Variants in OXSR1 observed in about 807,000 individuals in gnomAD.
OXSR1 encodes the protein oxidative stress responsive kinase 1.
OXSR1 carries 24 observed loss-of-function variants against 79.8 expected under a neutral mutation model. The observed-to-expected ratio is 0.30, with a 90% confidence interval of 0.22 to 0.42. OXSR1 has a LOEUF of 0.42. OXSR1 is among the 10% of genes least tolerant of loss of function. The pLI is 1.00. For missense variants in OXSR1, 430 were observed against 618.4 expected (o/e 0.70, Z 3.23); for synonymous variants, 226 against 209.2 (o/e 1.08, Z -0.69).
At position 38,190,804 on chromosome 3, in the gene OXSR1, A is replaced by T. The variant is rs754714205; in HGVS notation, c.257A>T (p.Asp86Val). ...VSYYTSFVVK[D>V]ELWLVMKLLS... The stretch of plus-strand genomic sequence containing the variant: ...TACTACACATCTTTTGTGGTAAAAG[A>T]TGAGCTGTGGCTTGTCATGAAGCTG... Residue 86 changes from aspartate (D) to valine (V), a missense_variant, in exon 3 of 18, where the codon GAT (aspartate) becomes GTT (valine). Physicochemically the swap from Asp to Val is radical, Grantham distance 152. Coordinates refer to ENST00000311806, the MANE Select transcript of OXSR1 (RefSeq NM_005109.3). 8 of 1,607,546 alleles carry T rather than the reference A, an allele frequency of 5.0e-6. No individual in the cohort carries two copies. Among genetic ancestry groups the T allele is most frequent in the South Asian group, 1.1e-5 (1 of 90,886 alleles).
chr3:38,205,432 G>C (rs1222796409), intron 4 of OXSR1, among the ~76,000 whole-genome samples: 2 of 152,248 alleles, frequency 1.3e-5, no homozygotes, highest in East Asian at 3.9e-4. Flanking sequence ...GTTTGCCTGG[G>C]TTTCATTTTT....
At position 38,165,814 on chromosome 3, in the gene OXSR1, C is replaced by G. The variant is rs1441838693; in HGVS notation, c.-63C>G. ...GGCGGCTGTTGGGGGTGGGGAGACG[C>G]GCGGCGAGGAGACGAGCGAGGTCAG... On this transcript the variant is annotated 5_prime_UTR_variant, in exon 1 of 18. Transcript: ENST00000311806. 20 of 1,416,724 alleles carry G rather than the reference C, an allele frequency of 1.4e-5. No homozygotes were observed. The highest frequency in any genetic ancestry group is 5.8e-5 in the Admixed American group (3 of 52,042). 87.8% of individuals were successfully genotyped at this position (1,416,724 alleles called of 1,614,324 possible). A position where few individuals can be genotyped will look rare whatever the true frequency, so the allele number is the denominator to read the frequency against.
chr3:38,203,514 A>T (rs9871064), intron 4 of OXSR1, among the ~76,000 whole-genome samples: 67,512 of 151,768 alleles, frequency 0.44, 15,242 homozygotes, highest in Middle Eastern at 0.64. Flanking sequence ...TGGTTAATTT[A>T]AAAAAAATTT....
At chr3:38,201,310 A>G (rs1464577245) in intron 4 of OXSR1, among the ~76,000 whole-genome samples, 2 of 151,882 alleles carry the variant, frequency 1.3e-5, no homozygotes, top group Non-Finnish European at 2.9e-5. Flanking sequence ...GCTCACGCCT[A>G]TAATCCCAGC....
At chr3:38,212,001 T>C (rs1702397993) in intron 4 of OXSR1, among the ~76,000 whole-genome samples, 1 of 152,196 alleles carries the variant, frequency 6.6e-6, no homozygotes. Context: ...AATCGTAGAC[T>C]TTCAGCCTGG....
At chr3:38,231,528 C>T (rs1575360053) in intron 10 of OXSR1, among the ~76,000 whole-genome samples, 1 of 152,062 alleles carries the variant, frequency 6.6e-6, no homozygotes, top group African/African-American at 2.4e-5. Context: ...ATTACTAAAA[C>T]AGTACCCTCC....
At chr3:38,216,179 A>G (rs1436494473) in intron 5 of OXSR1, 28 bp downstream of exon 5, 1 of 1,375,718 alleles carries the variant, frequency 7.3e-7, no homozygotes, top group Non-Finnish European at 1.0e-6. Flanking sequence ...TTTTTATTTG[A>G]TTTAATGGTC....
chr3:38,190,715 T>C lies in OXSR1; in HGVS notation c.184-16T>C. The C allele has an allele frequency of 7.3e-7, 1 of 1,365,094 alleles. No homozygotes were observed. The highest frequency in any genetic ancestry group is 2.3e-5 in the East Asian group (1 of 43,650). The allele number at this position is 1,365,094 out of a possible 1,614,324, so 84.6% of individuals were successfully genotyped here. A position where few individuals can be genotyped will look rare whatever the true frequency, so the allele number is the denominator to read the frequency against. On this transcript the variant is annotated splice_polypyrimidine_tract_variant and intron_variant, in intron 2 of 17. Coordinates refer to ENST00000311806, the MANE Select transcript of OXSR1 (RefSeq NM_005109.3). ...GCTTGCATATAATGAATTATTATGT[T>C]TTCTCTTCTTTGTAGAAAGAAATTC...
Position 38,229,672 on chromosome 3 carries a change from C to T in OXSR1, c.837-15C>T. ...TAATTATAAAAACTTTTCTTCCCTCCCTTCCTGGTTTTAGACCAACAGCAG... is the reference window on the plus strand; with the variant it reads ...TAATTATAAAAACTTTTCTTCCCTCTCTTCCTGGTTTTAGACCAACAGCAG... On this transcript the variant is annotated splice_polypyrimidine_tract_variant and intron_variant, in intron 8 of 17. Transcript: ENST00000311806. The T allele has an allele frequency of 1.2e-6, 2 of 1,606,268 alleles. No homozygotes were observed. The highest frequency in any genetic ancestry group is 1.7e-6 in the Non-Finnish European group (2 of 1,174,954).
At chr3:38,197,901 G>GT (rs1702096433) in intron 3 of OXSR1, among the ~76,000 whole-genome samples, 1 of 152,176 alleles carries the variant, frequency 6.6e-6, no homozygotes, top group South Asian at 2.1e-4. Flanking sequence ...TGCAGTCTAT[G>GT]TAATGTTCTA....
intron 7 of OXSR1, 57 bp from the exon 8 acceptor site, chr3:38,224,514 A>G: frequency 1.4e-6 from 2 of 1,415,238 alleles, no homozygotes; most frequent in Non-Finnish European, 1.9e-6. Flanking sequence ...TCTTGACCAC[A>G]ATAGTTAAAC....
At chr3:38,206,881 G>A (rs1702272653) in intron 4 of OXSR1, among the ~76,000 whole-genome samples, 1 of 152,184 alleles carries the variant, frequency 6.6e-6, no homozygotes, top group Non-Finnish European at 1.5e-5. Context: ...GTGACCTCTG[G>A]CAAGTTATTT....
chr3:38,229,795 T>G (rs559079135), intron 9 of OXSR1, 60 bp downstream of exon 9: 3 of 1,237,990 alleles, frequency 2.4e-6, no homozygotes, highest in Middle Eastern at 3.7e-4. Flanking sequence ...TTACTCAGAT[T>G]ATGTTCAGTG....
intron 4 of OXSR1, among the ~76,000 whole-genome samples, chr3:38,200,861 G>A (rs1435355962): frequency 2.0e-5 from 3 of 152,206 alleles, no homozygotes; most frequent in Non-Finnish European, 4.4e-5. Context: ...TTTCAGAAAT[G>A]TAGTGATTTA....
chr3:38,242,883 G>T (rs762746718), intron 12 of OXSR1, 105 bp downstream of exon 12: 158 of 645,216 alleles, frequency 2.4e-4, no homozygotes, highest in Non-Finnish European at 3.6e-4. Context: ...AAATGGGAAT[G>T]CAACTTTATA....
chr3:38,215,806 G>A (rs1006578845), intron 4 of OXSR1, among the ~76,000 whole-genome samples: 16 of 152,104 alleles, frequency 1.1e-4, no homozygotes, highest in Non-Finnish European at 1.9e-4. Context: ...ATTTCAAAAT[G>A]TAGAATTAGG....
intron 1 of OXSR1, among the ~76,000 whole-genome samples, chr3:38,179,183 A>T (rs995425081): frequency 1.3e-5 from 2 of 151,974 alleles, no homozygotes; most frequent in African/African-American, 4.8e-5. Flanking sequence ...CATGTGTGCC[A>T]TAACGCCTGG....
At chr3:38,187,134 C>T (rs1298776987) in intron 2 of OXSR1, among the ~76,000 whole-genome samples, 1 of 152,018 alleles carries the variant, frequency 6.6e-6, no homozygotes, top group African/African-American at 2.4e-5. Flanking sequence ...AAAATAAGAC[C>T]CTCACTAAGA....
At position 38,165,672 on chromosome 3, in the gene OXSR1, G is replaced by A. The variant is rs1277706908; in HGVS notation, c.-205G>A. Reference sequence around the variant, plus strand: ...AGTGCCGGACTCGGAGGAGCAGGAGGCGAGGTCCGCCGGAGCTCTGAGCCC... The same window carrying A: ...AGTGCCGGACTCGGAGGAGCAGGAGACGAGGTCCGCCGGAGCTCTGAGCCC... On this transcript the variant is annotated 5_prime_UTR_variant, in exon 1 of 18. Coordinates refer to ENST00000311806, the MANE Select transcript of OXSR1 (RefSeq NM_005109.3). 3.7e-6 allele frequency: 2 copies of A among 537,152 alleles called. No homozygotes were observed. The highest frequency in any genetic ancestry group is 6.5e-6 in the Non-Finnish European group (2 of 305,534). The allele number at this position is 537,152 out of a possible 1,614,324, so 33.3% of individuals were successfully genotyped here. A position where few individuals can be genotyped will look rare whatever the true frequency, so the allele number is the denominator to read the frequency against.
Sources: gnomAD v4.1 joint callset for allele counts (sites outside exome capture counted in the v4.1 genomes callset) on GRCh38, gnomAD v4.1.1 for gene constraint, MANE v1.5 for transcripts, NCBI Gene and HGNC (gene_info 2026-07-23, HGNC 2026-07-21) for gene names.